The following ZNF793 variants were observed in gnomAD, a reference collection of about 807,000 sequenced individuals.
ZNF793 encodes zinc finger protein 793.
A neutral mutation model predicts 12.4 loss-of-function variants in ZNF793; 5 were observed. That is an observed-to-expected ratio of 0.40 (90% CI 0.21 to 0.84). ZNF793 has a LOEUF of 0.84. Ranked by LOEUF, ZNF793 falls within the 40% of genes least tolerant of loss-of-function variation. The pLI is 0.35. For synonymous variants in ZNF793, 162 were observed against 172.4 expected (o/e 0.94, Z 0.47); for missense variants, 456 against 495.0 (o/e 0.92, Z 0.75).
chr19:37,515,842 A>G (rs1467867319), intron 2 of ZNF793, among the ~76,000 whole-genome samples: 1 of 152,212 alleles, frequency 6.6e-6, no homozygotes, highest in Non-Finnish European at 1.5e-5. Flanking sequence ...ATTTTCTTAT[A>G]TGAATGGACA....
rs1181837141 is a variant in ZNF793, at chr19:37,533,381, A to G, written c.216A>G (p.Ala72=). The G allele has an allele frequency of 6.2e-7, 1 of 1,613,922 alleles. No homozygotes were observed. Among genetic ancestry groups the G allele is most frequent in the Non-Finnish European group, 8.5e-7 (1 of 1,179,806 alleles). ...QEEAPWIGEA[A]CPGCHCWEDI... is the part of the protein sequence containing the mutation. ...AAGCACCATGGATTGGTGAGGCAGC[A>G]TGCCCGGGCTGCCACTGTTGGGGTA... Residue 72 remains alanine, a synonymous_variant, in exon 7 of 8, where the codon GCA becomes GCG. Transcript: ENST00000627814.
chr19:37,536,159 A>G (rs1350765312), intron 7 of ZNF793: 5 of 293,664 alleles, frequency 1.7e-5, no homozygotes, highest in Admixed American at 5.1e-5. Context: ...AGTCCTAGTT[A>G]GCTTTGTTGA....
At chr19:37,521,036 G>A (rs1304190136) in intron 3 of ZNF793, among the ~76,000 whole-genome samples, 1 of 149,926 alleles carries the variant, frequency 6.7e-6, no homozygotes, top group East Asian at 2.0e-4. Flanking sequence ...CGCCCAGGCT[G>A]GAGTGCAGTG....
At position 37,513,476 on chromosome 19, in the gene ZNF793, A is replaced by G. The variant is rs146801990; in HGVS notation, c.-276+5073A>G. ...ACTGTTTAAAATGTTGAGTTAGACCATACGCCAAAACTCAGACCTTCTGAA... is the reference window on the plus strand; with the variant it reads ...ACTGTTTAAAATGTTGAGTTAGACCGTACGCCAAAACTCAGACCTTCTGAA... On this transcript the variant is annotated intron_variant, in intron 2 of 7. Coordinates refer to ENST00000627814, the MANE Select transcript of ZNF793 (RefSeq NM_001013659.3). Among the ~76,000 whole-genome samples, 130 of 152,350 alleles carry G rather than the reference A, an allele frequency of 8.5e-4. 1 individual carries two copies. The East Asian group carries it at 0.015, about 18-fold the overall frequency.
chr19:37,514,498 G>T (rs2042315554), intron 2 of ZNF793, among the ~76,000 whole-genome samples: 1 of 152,150 alleles, frequency 6.6e-6, no homozygotes, highest in Non-Finnish European at 1.5e-5. Context: ...TAAGACTGCA[G>T]TGAGCCATGA....
At chr19:37,536,620 C>A in intron 7 of ZNF793, 1 of 430,548 alleles carries the variant, frequency 2.3e-6, no homozygotes, top group Non-Finnish European at 4.1e-6. Flanking sequence ...GCCCACAAAG[C>A]CTTTACTTTC....
rs751174248 is a variant in ZNF793, at chr19:37,533,403, GGTAA to G, written c.238+3_238+6del. 8.1e-6 allele frequency: 13 copies of G among 1,613,712 alleles called. No individual in the cohort carries two copies. Among genetic ancestry groups the G allele is most frequent in the East Asian group, 6.7e-5 (3 of 44,878 alleles). ...AGCATGCCCGGGCTGCCACTGTTGG[GGTAA>G]GTGTGATAAATCTAGCAAAAGGGGT... On this transcript the variant is annotated splice_donor_variant and splice_donor_region_variant and intron_variant, in intron 7 of 7. Coordinates refer to ENST00000627814, the MANE Select transcript of ZNF793 (RefSeq NM_001013659.3). LOFTEE classifies it high-confidence loss of function.
At chr19:37,520,015 G>A (rs1026719348) in intron 2 of ZNF793, among the ~76,000 whole-genome samples, 169 bp from the exon 3 acceptor site, 1 of 152,220 alleles carries the variant, frequency 6.6e-6, no homozygotes, top group Non-Finnish European at 1.5e-5. Flanking sequence ...CTCAGGGAGT[G>A]ACTCAGACAC....
intron 2 of ZNF793, among the ~76,000 whole-genome samples, chr19:37,518,426 C>T (rs925440071): frequency 2.6e-5 from 4 of 152,054 alleles, no homozygotes; most frequent in Non-Finnish European, 2.9e-5. Context: ...TGGCACCTGG[C>T]CTCCACTACT....
chr19:37,515,165 A>G (rs2042321169), intron 2 of ZNF793, among the ~76,000 whole-genome samples: 1 of 152,200 alleles, frequency 6.6e-6, no homozygotes, highest in African/African-American at 2.4e-5. Context: ...ACAAGACAAG[A>G]AAAAACTGTA....
intron 7 of ZNF793, chr19:37,534,266 C>CT (rs1430786851): frequency 6.6e-6 from 1 of 152,134 alleles, no homozygotes; most frequent in Non-Finnish European, 1.5e-5. Context: ...ACTTGGTTCT[C>CT]TTTCCAGTGG....
intron 5 of ZNF793, among the ~76,000 whole-genome samples, chr19:37,523,779 T>C (rs2042392270): frequency 6.6e-6 from 1 of 152,158 alleles, no homozygotes; most frequent in Non-Finnish European, 1.5e-5. Context: ...CAACTAATCA[T>C]TGATTGTAGG....
intron 2 of ZNF793, among the ~76,000 whole-genome samples, chr19:37,512,674 G>A (rs1166629745): frequency 6.6e-6 from 1 of 151,976 alleles, no homozygotes; most frequent in African/African-American, 2.4e-5. Context: ...CTCCTAATGT[G>A]TATTTCCTAG....
chr19:37,517,896 A>C (rs779705014), intron 2 of ZNF793, among the ~76,000 whole-genome samples: 7 of 152,156 alleles, frequency 4.6e-5, no homozygotes, highest in Non-Finnish European at 8.8e-5. Context: ...TAAATGTATA[A>C]TTATGAGGCT....
At chr19:37,533,774 C>T (rs2042481536) in intron 7 of ZNF793, 3 of 450,856 alleles carry the variant, frequency 6.7e-6, no homozygotes, top group African/African-American at 6.0e-5. Flanking sequence ...AAATTTAAAT[C>T]ACTCCCATAG....
At chr19:37,521,009 A>T (rs1339052736) in intron 3 of ZNF793, among the ~76,000 whole-genome samples, 1 of 143,264 alleles carries the variant, frequency 7.0e-6, no homozygotes, top group Admixed American at 7.0e-5. Context: ...TTTTTTCGAG[A>T]TGAAGTCTCA....
intron 4 of ZNF793, among the ~76,000 whole-genome samples, chr19:37,523,177 A>G (rs1023280560): frequency 3.9e-5 from 6 of 152,102 alleles, no homozygotes; most frequent in African/African-American, 1.4e-4. Flanking sequence ...GTGCAACACC[A>G]TACCTGGCTA....
At chr19:37,506,869 C>T (rs550501923), upstream of ZNF793, 1 of 152,392 alleles carries the variant, frequency 6.6e-6, no homozygotes, top group South Asian at 2.1e-4. Context: ...AACCCAGAAT[C>T]CTGTTCACTG....
Position 37,537,503 on chromosome 19 carries a change from C to T in ZNF793, c.845C>T (p.Pro282Leu). 6.2e-7 allele frequency: 1 copy of T among 1,614,072 alleles called. No individual in the cohort carries two copies. The highest frequency in any genetic ancestry group is 1.1e-5 in the South Asian group (1 of 91,070). Reference protein sequence around the residue: ...KHQRIHTGVRPFECFFCGKAF... With the variant: ...KHQRIHTGVRLFECFFCGKAF... ...CAGAGAATTCACACTGGGGTAAGAC[C>T]CTTTGAATGTTTTTTTTGTGGGAAA... The change falls in exon 8 of 8, where the codon CCC (proline) becomes CTC (leucine). Residue 282 changes from proline (P) to leucine (L), a missense_variant. Physicochemically the swap from Pro to Leu is moderately conservative, Grantham distance 98 (BLOSUM62 -3). Coordinates refer to ENST00000627814, the MANE Select transcript of ZNF793 (RefSeq NM_001013659.3).
Sources: allele counts gnomAD v4.1 joint callset (sites outside exome capture counted in the v4.1 genomes callset), GRCh38; gene constraint gnomAD v4.1.1; transcripts MANE v1.5; gene names NCBI Gene and HGNC (gene_info 2026-07-23, HGNC 2026-07-21).